HECW2: variants seen among roughly 807,000 people sequenced by gnomAD.
HECW2 encodes HECT, C2 and WW domain containing E3 ubiquitin protein ligase 2, also known as E3 ubiquitin-protein ligase HECW2.
Under a neutral mutation model 175.2 loss-of-function variants are expected in HECW2, and 61 were observed. The ratio of observed to expected loss-of-function variants is 0.35; its 90% CI spans 0.28 to 0.43. The LOEUF (loss-of-function observed/expected upper bound fraction) is 0.43, where lower values mean the gene tolerates loss of function less well. HECW2 is among the 20% of genes least tolerant of loss of function. The probability of loss-of-function intolerance (pLI) is 1.00; values close to 1 mark genes in which losing one functional copy is unlikely to be tolerated. For synonymous variants in HECW2, 671 were observed against 731.0 expected, an observed-to-expected ratio of 0.92 and a Z score of 1.32; for missense variants, 1,524 against 2,000.5, an observed-to-expected ratio of 0.76 and a Z score of 4.54.
At chr2:196,224,556 G>C (rs560683990) in intron 23 of HECW2, among the ~76,000 whole-genome samples, 2 of 152,274 alleles carry the variant, frequency 1.3e-5, no homozygotes, top group East Asian at 3.9e-4. Flanking sequence ...AAAGTACAGT[G>C]TCATAGATGC....
intron 2 of HECW2, among the ~76,000 whole-genome samples, chr2:196,385,167 C>G (rs933579838): frequency 1.3e-5 from 2 of 152,098 alleles, no homozygotes; most frequent in African/African-American, 4.8e-5. Flanking sequence ...CTGCCTTAGC[C>G]TCCCAAAGTG....
At chr2:196,367,418 A>G (rs976827157) in intron 2 of HECW2, among the ~76,000 whole-genome samples, 2 of 152,304 alleles carry the variant, frequency 1.3e-5, no homozygotes, top group Non-Finnish European at 2.9e-5. Context: ...ACAGGCATAC[A>G]ATGCATAATA....
intron 1 of HECW2, among the ~76,000 whole-genome samples, chr2:196,454,592 G>T (rs183537749): frequency 6.6e-6 from 1 of 152,138 alleles, no homozygotes; most frequent in African/African-American, 2.4e-5. Context: ...GAGTGTTACC[G>T]AATGCCTTTT....
chr2:196,584,546 G>C (rs7425922), intron 1 of HECW2, among the ~76,000 whole-genome samples: 1 of 151,170 alleles, frequency 6.6e-6, no homozygotes. Context: ...GACCATGGCA[G>C]ACAAGTGAAG....
chr2:196,511,158 G>A (rs1224808261), intron 1 of HECW2, among the ~76,000 whole-genome samples: 1 of 152,126 alleles, frequency 6.6e-6, no homozygotes, highest in Non-Finnish European at 1.5e-5. Context: ...CAAAGAGAGG[G>A]TTTCACCATG....
chr2:196,361,640 G>A (rs1693590736), intron 2 of HECW2, among the ~76,000 whole-genome samples: 1 of 152,168 alleles, frequency 6.6e-6, no homozygotes, highest in Non-Finnish European at 1.5e-5. Flanking sequence ...CAGTTGCCAA[G>A]TGATAAATGT....
intron 1 of HECW2, among the ~76,000 whole-genome samples, chr2:196,468,242 G>A (rs1008318876): frequency 3.3e-5 from 5 of 152,164 alleles, no homozygotes; most frequent in Admixed American, 6.5e-5. Flanking sequence ...TGATCCGCCC[G>A]CCTTGGCCTC....
At chr2:196,403,245 T>C (rs1694871031) in intron 2 of HECW2, among the ~76,000 whole-genome samples, 1 of 134,802 alleles carries the variant, frequency 7.4e-6, no homozygotes, top group African/African-American at 2.9e-5. Context: ...CTCAACTAAA[T>C]GCTGTATTTT....
At position 196,230,419 on chromosome 2, in the gene HECW2, T is replaced by G. The variant is rs537953641; in HGVS notation, c.3765-2165A>C. On this transcript the variant is annotated intron_variant, in intron 21 of 28. Coordinates refer to ENST00000644978, the MANE Select transcript of HECW2 (RefSeq NM_001348768.2). ...GGTGCTAATCTAGATCCTGAAGATA[T>G]AAAACGTTTTCAAAGTCATTTTCCA... Among the ~76,000 whole-genome samples the G allele has an allele frequency of 8.5e-5, 13 of 152,336 alleles. No individual in the cohort carries two copies. In the South Asian group the frequency reaches 2.5e-3, roughly 29 times the overall value.
At chr2:196,381,142 T>C (rs1030924995) in intron 2 of HECW2, among the ~76,000 whole-genome samples, 1 of 152,198 alleles carries the variant, frequency 6.6e-6, no homozygotes, top group Non-Finnish European at 1.5e-5. Flanking sequence ...ATAAGCACAG[T>C]TGCTTAAAGC....
At chr2:196,570,557 TA>T (rs1690347832) in intron 1 of HECW2, among the ~76,000 whole-genome samples, 1 of 151,650 alleles carries the variant, frequency 6.6e-6, no homozygotes, top group South Asian at 2.1e-4. Flanking sequence ...TGTCATGGGG[TA>T]GGGGGTAGGG....
Position 196,319,883 on chromosome 2 carries a change from C to T in HECW2, c.1007G>A (p.Gly336Asp), listed in dbSNP as rs1395960859. Reference sequence around the variant, plus strand: ...CACAGAATTGACTCCAAGTATTGTGCCAACAGCTTCTGGAGAGGCATCTGA... The same window carrying T: ...CACAGAATTGACTCCAAGTATTGTGTCAACAGCTTCTGGAGAGGCATCTGA... ...VHEDASPEAV[G>D]TILGVNSVNG... Residue 336 changes from glycine to aspartate, a missense_variant, in exon 9 of 29, where the codon GGC becomes GAC. Physicochemically the swap from Gly to Asp is moderately conservative, Grantham distance 94. This residue lies in a region of HECW2 where 604 missense variants were observed against 588.3 expected (regional missense o/e 1.03). Transcript: ENST00000644978. 1 of 1,604,658 alleles carries T rather than the reference C, an allele frequency of 6.2e-7. No homozygotes were observed. Among genetic ancestry groups the T allele is most frequent in the Non-Finnish European group, 8.5e-7 (1 of 1,173,022 alleles).
intron 10 of HECW2, 137 bp from the exon 11 acceptor site, chr2:196,308,222 T>A: frequency 1.9e-6 from 1 of 539,146 alleles, no homozygotes; most frequent in African/African-American, 1.9e-5. Flanking sequence ...CACTGCACTA[T>A]CCCATACTTC....
At chr2:196,568,602 A>G (rs1281573633) in intron 1 of HECW2, among the ~76,000 whole-genome samples, 1 of 152,198 alleles carries the variant, frequency 6.6e-6, no homozygotes, top group African/African-American at 2.4e-5. Flanking sequence ...TGTGAAAGCA[A>G]CATGCATTCA....
At chr2:196,368,193 C>A (rs1693802136) in intron 2 of HECW2, among the ~76,000 whole-genome samples, 1 of 152,074 alleles carries the variant, frequency 6.6e-6, no homozygotes, top group African/African-American at 2.4e-5. Flanking sequence ...TAGGAACTTC[C>A]AAACTGTTTT....
chr2:196,521,282 CA>C (rs1158051512), intron 1 of HECW2, among the ~76,000 whole-genome samples: 971 of 53,646 alleles, frequency 0.018, 3 homozygotes, highest in Middle Eastern at 0.034. Flanking sequence ...ACGTGAGTAA[CA>C]AAAAAAAAAA....
intron 1 of HECW2, among the ~76,000 whole-genome samples, chr2:196,531,669 A>C (rs1688845111): frequency 6.7e-6 from 1 of 149,826 alleles, no homozygotes; most frequent in Admixed American, 6.6e-5. Flanking sequence ...CTCAAAAAAA[A>C]AACAAAAAAA....
At chr2:196,459,490 T>A (rs1696651522) in intron 1 of HECW2, among the ~76,000 whole-genome samples, 1 of 151,702 alleles carries the variant, frequency 6.6e-6, no homozygotes, top group Non-Finnish European at 1.5e-5. Flanking sequence ...AGACCCCCTG[T>A]TAGCCAAGGG....
At chr2:196,323,128 A>T (rs1377788205) in intron 6 of HECW2, among the ~76,000 whole-genome samples, 5 of 152,208 alleles carry the variant, frequency 3.3e-5, no homozygotes, top group Non-Finnish European at 5.9e-5. Context: ...GGTTTCCCTG[A>T]TAAATGTTAA....
Sources: gnomAD v4.1 joint callset for allele counts (sites outside exome capture counted in the v4.1 genomes callset) on GRCh38, gnomAD v4.1.1 for gene constraint, gnomAD v4.1.1 regional missense constraint, MANE v1.5 for transcripts, NCBI Gene and HGNC (gene_info 2026-07-23, HGNC 2026-07-21) for gene names.